The following MYO1D variants were observed in gnomAD, a reference collection of about 807,000 sequenced individuals.
The protein encoded by MYO1D is myosin ID, also known as unconventional myosin-Id.
MYO1D carries 83 observed loss-of-function variants against 122.0 expected under a neutral mutation model. The observed-to-expected ratio is 0.68, with a 90% CI of 0.57 to 0.82. MYO1D has a LOEUF of 0.82. Ranked by LOEUF, MYO1D falls within the 40% of genes least tolerant of loss-of-function variation. MYO1D has a pLI of 0.00. For missense variants in MYO1D, 1,157 were observed against 1,269.5 expected, an observed-to-expected ratio of 0.91 and a Z score of 1.35; for synonymous variants, 464 against 446.9, an observed-to-expected ratio of 1.04 and a Z score of -0.48.
intron 21 of MYO1D, among the ~76,000 whole-genome samples, chr17:32,572,610 TA>T (rs755665134): frequency 6.6e-6 from 1 of 152,058 alleles, no homozygotes; most frequent in Non-Finnish European, 1.5e-5. Flanking sequence ...CCCCCTTTGC[TA>T]AAAAAACCTC....
intron 1 of MYO1D, among the ~76,000 whole-genome samples, chr17:32,807,766 T>C (rs2090530162): frequency 6.6e-6 from 1 of 152,198 alleles, no homozygotes. Context: ...GAGAGTCCCC[T>C]GGATTGACAG....
chr17:32,646,892 T>C (rs2088302426), intron 19 of MYO1D, among the ~76,000 whole-genome samples: 1 of 152,140 alleles, frequency 6.6e-6, no homozygotes, highest in Non-Finnish European at 1.5e-5. Context: ...AAATTCTACA[T>C]ATAGATGTAA....
chr17:32,576,812 A>C (rs2087282737), intron 21 of MYO1D, among the ~76,000 whole-genome samples: 1 of 152,210 alleles, frequency 6.6e-6, no homozygotes, highest in South Asian at 2.1e-4. Context: ...ACATGCCACC[A>C]TGCCCAGCTA....
chr17:32,847,057 A>T (rs1218125012), intron 1 of MYO1D, among the ~76,000 whole-genome samples: 2 of 152,366 alleles, frequency 1.3e-5, no homozygotes, highest in East Asian at 3.9e-4. Context: ...TCCTCTTTAT[A>T]GAATTTACAG....
chr17:32,560,528 CATATATATATATATAT>C (rs56214129), intron 21 of MYO1D, among the ~76,000 whole-genome samples: 10,598 of 65,584 alleles, frequency 0.16, 1,354 homozygotes, highest in East Asian at 0.33. Flanking sequence ...CCAGAGACAA[CATATATATATATATAT>C]ATATATATAT....
intron 15 of MYO1D, among the ~76,000 whole-genome samples, chr17:32,712,583 T>C (rs1330786896): frequency 6.6e-6 from 1 of 152,138 alleles, no homozygotes. Flanking sequence ...CAAGACATAA[T>C]TGGTAAATGA....
chr17:32,722,502 G>T (rs768590919), intron 14 of MYO1D, among the ~76,000 whole-genome samples: 5 of 152,220 alleles, frequency 3.3e-5, no homozygotes, highest in Non-Finnish European at 7.3e-5. Flanking sequence ...GCAATGGCCA[G>T]TTGAGTCTTT....
At chr17:32,576,826 T>C (rs1214492652) in intron 21 of MYO1D, among the ~76,000 whole-genome samples, 1 of 152,162 alleles carries the variant, frequency 6.6e-6, no homozygotes. Context: ...CCAGCTAATT[T>C]TTTATTTTTA....
intron 21 of MYO1D, among the ~76,000 whole-genome samples, chr17:32,532,256 G>T (rs1910526729): frequency 6.6e-6 from 1 of 152,222 alleles, no homozygotes; most frequent in South Asian, 2.1e-4. Context: ...AACCAGAAAT[G>T]ATCTGCTTTC....
intron 6 of MYO1D, among the ~76,000 whole-genome samples, chr17:32,770,170 A>G (rs980343307): frequency 9.8e-5 from 15 of 152,376 alleles, no homozygotes; most frequent in Admixed American, 5.9e-4. Flanking sequence ...AAACCAAAAT[A>G]TCATTAATTT....
At chr17:32,584,061 C>T (rs1014687420) in intron 21 of MYO1D, among the ~76,000 whole-genome samples, 2 of 152,132 alleles carry the variant, frequency 1.3e-5, no homozygotes, top group Non-Finnish European at 2.9e-5. Flanking sequence ...GCCTCAGCCT[C>T]CCAAAGTGCT....
chr17:32,553,077 C>CAAAAAAAAAA (rs200769034), intron 21 of MYO1D, among the ~76,000 whole-genome samples: 1 of 105,846 alleles, frequency 9.4e-6, no homozygotes, highest in African/African-American at 4.0e-5. Context: ...TTCTCTAAGA[C>CAAAAAAAAAA]AAAAAAAAAA....
intron 16 of MYO1D, among the ~76,000 whole-genome samples, chr17:32,710,877 A>G (rs1019905004): frequency 6.6e-6 from 1 of 152,192 alleles, no homozygotes; most frequent in Non-Finnish European, 1.5e-5. Context: ...ATGAGATATC[A>G]TTCTATCTAT....
At chr17:32,660,062 G>A (rs981410423) in intron 16 of MYO1D, among the ~76,000 whole-genome samples, 4 of 151,958 alleles carry the variant, frequency 2.6e-5, no homozygotes, top group Non-Finnish European at 5.9e-5. Context: ...AATTTGGTGC[G>A]ATCTTCAATT....
chr17:32,808,580 C>T (rs1054569679), intron 1 of MYO1D, among the ~76,000 whole-genome samples: 5 of 152,096 alleles, frequency 3.3e-5, no homozygotes, highest in Non-Finnish European at 4.4e-5. Context: ...CCCCCTGCCA[C>T]GCCAAAATTC....
intron 1 of MYO1D, among the ~76,000 whole-genome samples, chr17:32,859,509 A>G (rs777583466): frequency 2.2e-4 from 34 of 152,280 alleles, no homozygotes; most frequent in Admixed American, 4.6e-4. Context: ...CTGTGCCCCA[A>G]CCCAATGGCT....
intron 19 of MYO1D, among the ~76,000 whole-genome samples, chr17:32,645,936 T>C (rs548782409): frequency 6.6e-6 from 1 of 152,374 alleles, no homozygotes; most frequent in African/African-American, 2.4e-5. Context: ...CTTTGTTCCA[T>C]TGCTGGTGAG....
Position 32,612,696 on chromosome 17 carries a change from C to CAA in MYO1D, c.2710-7457_2710-7456dup, listed in dbSNP as rs1158470135. On this transcript the variant is annotated intron_variant, in intron 20 of 21. Coordinates refer to ENST00000318217, the MANE Select transcript of MYO1D (RefSeq NM_015194.3). ...GAGACCCATCTCAAAAAAAAAAAAA[C>CAA]AAAAAAAAAAAAAAAAGAAGAAGAA... 4.9e-3 allele frequency among the ~76,000 whole-genome samples: 516 copies of CAA among 104,610 alleles called. 5 individuals are homozygous for CAA. The highest frequency in any genetic ancestry group is 0.014 in the African/African-American group (383 of 27,004). The allele number at this position is 104,610 out of a possible 152,430, so 68.6% of individuals were successfully genotyped here.
chr17:32,842,710 A>G (rs2090894819), intron 1 of MYO1D, among the ~76,000 whole-genome samples: 1 of 152,010 alleles, frequency 6.6e-6, no homozygotes, highest in African/African-American at 2.4e-5. Flanking sequence ...ATGTGCTTCC[A>G]CATTCTATGC....
Sources: gnomAD v4.1 joint callset for allele counts (sites outside exome capture counted in the v4.1 genomes callset) on GRCh38, gnomAD v4.1.1 for gene constraint, MANE v1.5 for transcripts, NCBI Gene and HGNC (gene_info 2026-07-23, HGNC 2026-07-21) for gene names.